Variants in KCNQ5 observed in about 807,000 individuals in gnomAD.
The protein encoded by KCNQ5 is potassium voltage-gated channel subfamily Q member 5.
KCNQ5 carries 30 observed loss-of-function variants against 98.2 expected under a neutral mutation model. That is an observed-to-expected ratio of 0.31 (90% CI 0.23 to 0.41). KCNQ5 has a LOEUF of 0.41. Ranked by LOEUF, KCNQ5 falls within the 10% of genes least tolerant of loss-of-function variation. The pLI is 1.00. For synonymous variants in KCNQ5, 458 were observed against 449.4 expected (o/e 1.02, Z -0.24); for missense variants, 835 against 1,182.5 (o/e 0.71, Z 4.31).
At chr6:73,080,378 T>G (rs1773715339) in intron 5 of KCNQ5, among the ~76,000 whole-genome samples, 1 of 152,206 alleles carries the variant, frequency 6.6e-6, no homozygotes. Flanking sequence ...AAGAATTTTT[T>G]AAGGCCTTAT....
chr6:72,789,433 C>T (rs1022439159), intron 1 of KCNQ5, among the ~76,000 whole-genome samples: 1 of 152,158 alleles, frequency 6.6e-6, no homozygotes, highest in African/African-American at 2.4e-5. Flanking sequence ...TTACCTCAGA[C>T]CAGTGTTTCA....
intron 1 of KCNQ5, among the ~76,000 whole-genome samples, chr6:72,895,305 A>G (rs1229304832): frequency 1.5e-4 from 23 of 151,056 alleles, no homozygotes; most frequent in African/African-American, 5.6e-4. Flanking sequence ...AAAAAAAAGA[A>G]AAAAAACTCC....
chr6:72,663,376 T>C (rs1477700561), intron 1 of KCNQ5, among the ~76,000 whole-genome samples: 4 of 152,172 alleles, frequency 2.6e-5, no homozygotes, highest in Non-Finnish European at 5.9e-5. Flanking sequence ...TTATATTTGG[T>C]AATCATATTT....
chr6:73,002,349 C>T (rs1453290319), intron 1 of KCNQ5, among the ~76,000 whole-genome samples: 1 of 152,126 alleles, frequency 6.6e-6, no homozygotes, highest in African/African-American at 2.4e-5. Context: ...GAGGCTTAGA[C>T]TACACAGTGC....
chr6:72,948,628 A>G (rs1454048882), intron 1 of KCNQ5, among the ~76,000 whole-genome samples: 6 of 152,142 alleles, frequency 3.9e-5, no homozygotes, highest in Non-Finnish European at 8.8e-5. Context: ...TGTATGTTTT[A>G]TATTTTCAAA....
intron 1 of KCNQ5, among the ~76,000 whole-genome samples, chr6:72,838,373 A>T (rs1370419687): frequency 6.6e-6 from 1 of 152,138 alleles, no homozygotes; most frequent in African/African-American, 2.4e-5. Context: ...AGTAAATGAG[A>T]TTCAGTAATC....
At chr6:72,751,387 G>A (rs774110149) in intron 1 of KCNQ5, among the ~76,000 whole-genome samples, 1 of 151,708 alleles carries the variant, frequency 6.6e-6, no homozygotes, top group Non-Finnish European at 1.5e-5. Context: ...CTTAAATGAT[G>A]TACTACAGCA....
At chr6:73,099,410 C>A (rs1774666493) in intron 5 of KCNQ5, among the ~76,000 whole-genome samples, 1 of 151,988 alleles carries the variant, frequency 6.6e-6, no homozygotes, top group African/African-American at 2.4e-5. Context: ...AAGCAAGACC[C>A]AATGATCTGT....
intron 1 of KCNQ5, among the ~76,000 whole-genome samples, chr6:72,714,735 T>C (rs76226699): frequency 0.014 from 2,167 of 152,310 alleles, 43 homozygotes; most frequent in African/African-American, 0.045. Flanking sequence ...GGCTAATTTC[T>C]GTCAGTTTCT....
chr6:72,765,829 A>G (rs1772539353), intron 1 of KCNQ5, among the ~76,000 whole-genome samples: 1 of 152,086 alleles, frequency 6.6e-6, no homozygotes, highest in Non-Finnish European at 1.5e-5. Flanking sequence ...TAGGTAGGAA[A>G]CAAGAGTGGA....
intron 1 of KCNQ5, among the ~76,000 whole-genome samples, chr6:72,812,786 C>G (rs1350399278): frequency 6.6e-6 from 1 of 152,148 alleles, no homozygotes; most frequent in Admixed American, 6.6e-5. Flanking sequence ...AGAAACATTG[C>G]AAAGGCTTTA....
intron 10 of KCNQ5, among the ~76,000 whole-genome samples, chr6:73,156,879 G>A (rs1025699880): frequency 9.2e-5 from 14 of 152,172 alleles, no homozygotes; most frequent in Non-Finnish European, 1.8e-4. Context: ...CGCATCCGAG[G>A]AGATAGGAGC....
At chr6:72,851,370 A>G (rs76756692) in intron 1 of KCNQ5, among the ~76,000 whole-genome samples, 6,572 of 152,264 alleles carry the variant, frequency 0.043, 176 homozygotes, top group Middle Eastern at 0.085. Context: ...ATTAGCACTC[A>G]TCAGTCAGGA....
intron 1 of KCNQ5, among the ~76,000 whole-genome samples, chr6:72,943,046 G>C (rs889996338): frequency 6.6e-6 from 1 of 152,040 alleles, no homozygotes; most frequent in Non-Finnish European, 1.5e-5. Flanking sequence ...TGCAACTAAA[G>C]GCAATTCAAC....
At chr6:73,081,025 C>G (rs9341402) in intron 5 of KCNQ5, among the ~76,000 whole-genome samples, 112,872 of 152,170 alleles carry the variant, frequency 0.74, 45,457 homozygotes, top group Non-Finnish European at 0.89. Flanking sequence ...AAGAACATAG[C>G]AAGTGCCCAA....
chr6:73,077,600 A>C (rs1773589439), intron 4 of KCNQ5, 103 bp downstream of exon 4: 4 of 1,363,614 alleles, frequency 2.9e-6, no homozygotes, highest in Non-Finnish European at 3.9e-6. Context: ...GTCATTGCAG[A>C]AAATGGTTAA....
chr6:72,840,390 G>A (rs1351492503), intron 1 of KCNQ5, among the ~76,000 whole-genome samples: 2 of 152,146 alleles, frequency 1.3e-5, no homozygotes, highest in African/African-American at 2.4e-5. Flanking sequence ...TAAAAGAATA[G>A]CAAGAGACTT....
chr6:72,806,889 C>T (rs184996240), intron 1 of KCNQ5: 8 of 424,182 alleles, frequency 1.9e-5, no homozygotes, highest in East Asian at 1.6e-4. Flanking sequence ...AGAATAAGAT[C>T]GACAAACAGC....
intron 1 of KCNQ5, among the ~76,000 whole-genome samples, chr6:72,740,734 G>A (rs548115843): frequency 3.3e-5 from 5 of 152,142 alleles, no homozygotes; most frequent in Non-Finnish European, 7.3e-5. Context: ...GTTGGATTGT[G>A]TGCTGAAAGT....
Sources: allele counts gnomAD v4.1 joint callset (sites outside exome capture counted in the v4.1 genomes callset), GRCh38; gene constraint gnomAD v4.1.1; transcripts MANE v1.5; gene names NCBI Gene and HGNC (gene_info 2026-07-23, HGNC 2026-07-21).